MICAL2: variants seen among roughly 807,000 people sequenced by gnomAD.
MICAL2 encodes [F-actin]-monooxygenase MICAL2.
Under a neutral mutation model 127.3 loss-of-function variants are expected in MICAL2, and 77 were observed. The observed-to-expected ratio is 0.60, with a 90% CI of 0.50 to 0.73. The LOEUF (loss-of-function observed/expected upper bound fraction) is 0.73. MICAL2 is among the 30% of genes least tolerant of loss of function. The pLI is 0.00. For missense variants in MICAL2, 1,351 were observed against 1,434.4 expected (o/e 0.94, Z 0.94); for synonymous variants, 570 against 551.1 (o/e 1.03, Z -0.48).
chr11:12,205,560 G>A (rs1042979474), intron 4 of MICAL2, among the ~76,000 whole-genome samples: 1 of 152,202 alleles, frequency 6.6e-6, no homozygotes, highest in Non-Finnish European at 1.5e-5. Flanking sequence ...ACTCATGAAA[G>A]GGAGGTTAAC....
At chr11:12,253,588 C>T (rs1250682814) in intron 22 of MICAL2, 1 of 152,174 alleles carries the variant, frequency 6.6e-6, no homozygotes, top group Non-Finnish European at 1.5e-5. Flanking sequence ...TTTCTCCCCA[C>T]CAACAAAATC....
At chr11:12,200,389 A>C (rs1301571433) in intron 3 of MICAL2, among the ~76,000 whole-genome samples, 1 of 152,228 alleles carries the variant, frequency 6.6e-6, no homozygotes, top group East Asian at 1.9e-4. Context: ...TGTTTGGACC[A>C]CATCCAGCAT....
intron 29 of MICAL2, among the ~76,000 whole-genome samples, chr11:12,298,403 TC>T (rs1406202177): frequency 6.6e-6 from 1 of 152,080 alleles, no homozygotes; most frequent in Non-Finnish European, 1.5e-5. Flanking sequence ...TCCCCTGAGT[TC>T]CCCCCATATA....
intron 3 of MICAL2, among the ~76,000 whole-genome samples, chr11:12,170,676 C>T (rs1856134273): frequency 6.6e-6 from 1 of 152,192 alleles, no homozygotes; most frequent in African/African-American, 2.4e-5. Context: ...CAAGCAGACA[C>T]CACCTCCTCC....
At position 12,112,928 on chromosome 11, in the gene MICAL2, C is replaced by T. The variant is rs572910962; in HGVS notation, c.-149+2202C>T. Among the ~76,000 whole-genome samples the T allele has an allele frequency of 2.6e-5, 4 of 152,238 alleles. No individual in the cohort carries two copies. The South Asian group carries it at 8.3e-4, about 32-fold the overall frequency. ...TAATTGGGGTATGTTTCTGTTCTCTCCACCCACACCTGGGTTTGCCTCCCA... is the reference window on the plus strand; with the variant it reads ...TAATTGGGGTATGTTTCTGTTCTCTTCACCCACACCTGGGTTTGCCTCCCA... On this transcript the variant is annotated intron_variant, in intron 1 of 27. Transcript: ENST00000683283.
Position 12,320,475 on chromosome 11 carries a change from A to G in MICAL2, c.5328+664A>G, listed in dbSNP as rs1444371210. Among the ~76,000 whole-genome samples the G allele has an allele frequency of 7.3e-5, 11 of 151,650 alleles. No individual in the cohort carries two copies. The East Asian group carries it at 7.8e-4, about 11-fold the overall frequency. On this transcript the variant is annotated intron_variant, in intron 30 of 34. Transcript: ENST00000646065. ...AGACATCCCATAACCAAAGCCCATC[A>G]TTGTTTTCTTTATCCACTGAAGCTG...
At chr11:12,303,885 A>C (rs1864077759) in intron 29 of MICAL2, 1 of 152,086 alleles carries the variant, frequency 6.6e-6, no homozygotes, top group Admixed American at 6.6e-5. Context: ...GAAACTAAAA[A>C]AATTGGCCAG....
At chr11:12,223,280 C>T (rs535618738) in intron 11 of MICAL2, 131 bp from the exon 12 acceptor site, 8 of 742,316 alleles carry the variant, frequency 1.1e-5, no homozygotes, top group African/African-American at 5.2e-5. Flanking sequence ...GTTCCCTTGC[C>T]GAAGGTCATG....
intron 2 of MICAL2, among the ~76,000 whole-genome samples, chr11:12,284,965 T>A (rs1004676245): frequency 6.6e-6 from 1 of 152,172 alleles, no homozygotes; most frequent in African/African-American, 2.4e-5. Context: ...GACAGGGGAA[T>A]TGCGATAGAA....
intron 1 of MICAL2, among the ~76,000 whole-genome samples, chr11:12,134,277 A>T (rs1024138484): frequency 6.6e-6 from 1 of 152,198 alleles, no homozygotes; most frequent in African/African-American, 2.4e-5. Flanking sequence ...CTCCTTTAAA[A>T]AGAGTTGTTT....
chr11:12,353,928 T>A (rs1240258459), intron 33 of MICAL2, among the ~76,000 whole-genome samples: 1 of 152,186 alleles, frequency 6.6e-6, no homozygotes, highest in East Asian at 1.9e-4. Flanking sequence ...GAGTTAATGC[T>A]CTAAGTCAAG....
intron 3 of MICAL2, among the ~76,000 whole-genome samples, chr11:12,167,880 T>C (rs1255368504): frequency 6.6e-6 from 1 of 152,170 alleles, no homozygotes; most frequent in Non-Finnish European, 1.5e-5. Context: ...GTAAATCCAA[T>C]TCACAGCAAT....
chr11:12,152,297 C>CAAAA (rs540812572), intron 2 of MICAL2, among the ~76,000 whole-genome samples: 13 of 38,394 alleles, frequency 3.4e-4, no homozygotes, highest in African/African-American at 1.4e-3. Flanking sequence ...GACTCTGTCT[C>CAAAA]AAAAAAAAAA....
intron 6 of MICAL2, among the ~76,000 whole-genome samples, chr11:12,210,337 A>G (rs193000988): frequency 6.6e-4 from 100 of 152,328 alleles, no homozygotes; most frequent in Non-Finnish European, 1.1e-3. Flanking sequence ...ACCATGGGTT[A>G]TAAACAACAT....
downstream of MICAL2, among the ~76,000 whole-genome samples, chr11:12,361,710 T>C (rs1411274036): frequency 2.0e-5 from 3 of 152,194 alleles, no homozygotes; most frequent in Non-Finnish European, 4.4e-5. Flanking sequence ...ATGAAATTGA[T>C]GTTTTCTGCA....
rs11022299 is a variant in MICAL2, at chr11:12,326,514, T to C, written c.5422-659T>C. Among the ~76,000 whole-genome samples, 12 of 152,334 alleles carry C rather than the reference T, an allele frequency of 7.9e-5. No individual in the cohort carries two copies. The East Asian group carries it at 1.7e-3, about 22-fold the overall frequency. The stretch of plus-strand genomic sequence containing the variant: ...CTAAGGAGAGTATGATGTCATCCCC[T>C]AACAAGTTAAACATCTTGTGTCTCA... On this transcript the variant is annotated intron_variant, in intron 31 of 34. Coordinates refer to the MICAL2 transcript ENST00000646065.
intron 3 of MICAL2, among the ~76,000 whole-genome samples, chr11:12,192,810 G>C (rs567772943): frequency 3.3e-5 from 5 of 152,264 alleles, no homozygotes; most frequent in African/African-American, 1.2e-4. Flanking sequence ...TCCTGAGAAA[G>C]GAGGGAGGAG....
At chr11:12,278,856 G>T (rs1863745378) in intron 1 of MICAL2, among the ~76,000 whole-genome samples, 1 of 152,234 alleles carries the variant, frequency 6.6e-6, no homozygotes, top group Non-Finnish European at 1.5e-5. Context: ...GCACGTTAGT[G>T]GAGAAAGTCA....
chr11:12,329,709 G>A (rs1864392770), intron 32 of MICAL2, among the ~76,000 whole-genome samples: 2 of 152,010 alleles, frequency 1.3e-5, no homozygotes, highest in Non-Finnish European at 1.5e-5. Flanking sequence ...TAGGCATTTA[G>A]TAAACACTAC....
Sources: allele counts gnomAD v4.1 joint callset (sites outside exome capture counted in the v4.1 genomes callset), GRCh38; gene constraint gnomAD v4.1.1; transcripts MANE v1.5; gene names NCBI Gene and HGNC (gene_info 2026-07-23, HGNC 2026-07-21).